The following FOXN1 variants were observed in gnomAD, a reference collection of about 807,000 sequenced individuals.
FOXN1 encodes forkhead box protein N1.
FOXN1 carries 15 observed loss-of-function variants against 49.0 expected under a neutral mutation model. That is an observed-to-expected ratio of 0.31 (90% CI 0.20 to 0.47). The LOEUF (loss-of-function observed/expected upper bound fraction) is 0.47, where lower values mean the gene tolerates loss of function less well. Among genes scored for constraint, FOXN1 ranks in the 20% least tolerant of loss-of-function variants. The probability of loss-of-function intolerance (pLI) is 1.00; values close to 1 mark genes in which losing one functional copy is unlikely to be tolerated. For synonymous variants in FOXN1, 356 were observed against 369.0 expected, an observed-to-expected ratio of 0.96 and a Z score of 0.40; for missense variants, 800 against 842.8, an observed-to-expected ratio of 0.95 and a Z score of 0.63.
intron 6 of FOXN1, among the ~76,000 whole-genome samples, chr17:28,533,813 G>A (rs560068025): frequency 5.3e-5 from 8 of 152,230 alleles, no homozygotes; most frequent in African/African-American, 1.4e-4. Context: ...CACCAACCTC[G>A]CCCATCTTTC....
intron 1 of FOXN1, among the ~76,000 whole-genome samples, chr17:28,510,260 GCACAGAGACACACATACA>G (rs1249799451): frequency 6.6e-6 from 1 of 152,008 alleles, no homozygotes; most frequent in Non-Finnish European, 1.5e-5. Context: ...ACAAACTACA[GCACAGAGACACACATACA>G]CACAGAGACA....
rs117145421 is a variant in FOXN1 at position 28,528,450 on chromosome 17, C to A, written c.700-644C>A. 4.8e-3 allele frequency among the ~76,000 whole-genome samples: 545 copies of A among 114,636 alleles called. 1 individual carries two copies. Among genetic ancestry groups the A allele is most frequent in the Non-Finnish European group, 7.7e-3 (433 of 56,322 alleles). 75.2% of individuals were successfully genotyped at this position (114,636 alleles called of 152,430 possible). A position where few individuals can be genotyped will look rare whatever the true frequency, so the allele number is the denominator to read the frequency against. On this transcript the variant is annotated intron_variant, in intron 4 of 8. Transcript: ENST00000579795. ...TGCACCCCCTCTCAAGATGGCCACA[C>A]CCAGGGCTTTATGGAGCCTGGACCG...
At chr17:28,528,937 C>A (rs2069839009) in intron 4 of FOXN1, among the ~76,000 whole-genome samples, 157 bp from the exon 5 acceptor site, 1 of 151,912 alleles carries the variant, frequency 6.6e-6, no homozygotes, top group African/African-American at 2.4e-5. Flanking sequence ...CCTCACAGCC[C>A]CTCAGACAGC....
intron 1 of FOXN1, among the ~76,000 whole-genome samples, chr17:28,516,123 G>A (rs2069491644): frequency 6.7e-6 from 1 of 149,134 alleles, no homozygotes; most frequent in Middle Eastern, 4.0e-3. Flanking sequence ...CACCTCCACA[G>A]GATCCTTACA....
At position 28,524,009 on chromosome 17, in the gene FOXN1, C is replaced by T. The variant is rs1191131110; in HGVS notation, c.40C>T (p.Pro14Ser). 1.2e-5 allele frequency: 20 copies of T among 1,612,830 alleles called. No individual in the cohort carries two copies. Among genetic ancestry groups the T allele is most frequent in the Non-Finnish European group, 1.7e-5 (20 of 1,179,934 alleles). The change falls in exon 2 of 9, where the codon CCG (proline) becomes TCG (serine). Residue 14 changes from proline to serine, a missense_variant. By Grantham distance (74) the Pro-to-Ser change is moderately conservative. This residue lies in a region of FOXN1 where 383 missense variants were observed against 357.9 expected (regional missense o/e 1.07). Coordinates refer to ENST00000579795, the MANE Select transcript of FOXN1 (RefSeq NM_001369369.1). ...CCCGCCGCAGTCTGACGTCACGCTG[C>T]CGGGCCCCACCAGACTGGAGGGCGA... ...LPPPQSDVTL[P>S]GPTRLEGERQ...
intron 6 of FOXN1, among the ~76,000 whole-genome samples, chr17:28,531,753 G>A (rs893862553): frequency 5.9e-5 from 9 of 152,136 alleles, no homozygotes; most frequent in Non-Finnish European, 1.2e-4. Context: ...GCTGAGACCC[G>A]GGTAATCCAG....
Position 28,534,798 on chromosome 17 carries a change from C to T in FOXN1, c.1227C>T (p.Pro409=), listed in dbSNP as rs1280069465. Residue 409 remains proline, a synonymous_variant, in exon 8 of 9, where the codon CCC becomes CCT. Transcript: ENST00000579795. The surrounding 1 kb of genome is among the most constrained non-coding windows in gnomAD (Gnocchi z 4.1). Reference sequence around the variant, plus strand: ...CCCCTGGGCTGTCCGGCTCAGGCCCCATCCGGCCCCTGGCACCCCCAGCTG... The same window carrying T: ...CCCCTGGGCTGTCCGGCTCAGGCCCTATCCGGCCCCTGGCACCCCCAGCTG... The part of the protein sequence containing the change: ...CPPPGLSGSG[P]IRPLAPPAGL... 6.2e-7 allele frequency: 1 copy of T among 1,613,844 alleles called. No homozygotes were observed. The highest frequency in any genetic ancestry group is 8.5e-7 in the Non-Finnish European group (1 of 1,179,828).
At position 28,537,463 on chromosome 17, in the gene FOXN1, C is replaced by A; in HGVS notation, c.*27C>A. The A allele has an allele frequency of 1.3e-6, 2 of 1,580,300 alleles. No individual in the cohort carries two copies. The highest frequency in any genetic ancestry group is 1.7e-6 in the Non-Finnish European group (2 of 1,150,194). ...CTGTGCCCAGCTTCGTCAGCTCCAG[C>A]GTTTGCCTGGTCTGGAAGTCCTGGC... is the stretch of plus-strand genomic sequence containing the variant. On this transcript the variant is annotated 3_prime_UTR_variant, in exon 9 of 9. Transcript: ENST00000579795.
chr17:28,506,936 G>A (rs1180835814), intron 1 of FOXN1, among the ~76,000 whole-genome samples: 1 of 152,244 alleles, frequency 6.6e-6, no homozygotes, highest in Non-Finnish European at 1.5e-5. Context: ...CACGCAGCCT[G>A]GGCTGGGGTC....
intron 1 of FOXN1, among the ~76,000 whole-genome samples, chr17:28,506,955 T>C (rs1273297998): frequency 5.3e-5 from 8 of 152,202 alleles, no homozygotes; most frequent in African/African-American, 1.9e-4. Flanking sequence ...TCTAGATGCC[T>C]GGGCCCATGC....
At chr17:28,528,482 C>T (rs1180825200) in intron 4 of FOXN1, among the ~76,000 whole-genome samples, 2 of 151,592 alleles carry the variant, frequency 1.3e-5, no homozygotes, top group Non-Finnish European at 2.9e-5. Flanking sequence ...ACCGAGGTGA[C>T]TCAGGCACTA....
intron 1 of FOXN1, among the ~76,000 whole-genome samples, chr17:28,511,222 G>A (rs1171858632): frequency 2.6e-5 from 4 of 152,206 alleles, no homozygotes; most frequent in African/African-American, 9.7e-5. Flanking sequence ...GATGGCATTG[G>A]GAGAGGAGGT....
At position 28,521,105 on chromosome 17, in the gene FOXN1, T is replaced by C. The variant is rs542168157; in HGVS notation, c.-14-2851T>C. ...CACCTCGTGCACACCATCCTCACGA[T>C]GACCCTGCGAGGTGGGTCTGTGTGC... On this transcript the variant is annotated intron_variant, in intron 1 of 8. Coordinates refer to ENST00000579795, the MANE Select transcript of FOXN1 (RefSeq NM_001369369.1). 3.3e-5 allele frequency among the ~76,000 whole-genome samples: 5 copies of C among 152,348 alleles called. No individual in the cohort carries two copies. In the East Asian group the frequency reaches 9.6e-4, roughly 29 times the overall value.
chr17:28,524,172 GC>G, intron 2 of FOXN1, 80 bp downstream of exon 2: 2 of 1,442,384 alleles, frequency 1.4e-6, no homozygotes, highest in Non-Finnish European at 1.9e-6. Context: ...TCACCTTACC[GC>G]CCCCAGGGAC....
chr17:28,523,938 C>A lies in FOXN1; in HGVS notation c.-14-18C>A. 6.2e-7 allele frequency: 1 copy of A among 1,613,140 alleles called. No individual in the cohort carries two copies. The highest frequency in any genetic ancestry group is 1.1e-5 in the South Asian group (1 of 91,070). ...TGGATGCTGGTCCTCACTCTCATGG[C>A]AGACGGCTTTCTTTGAGGCCAGGAC... On this transcript the variant is annotated intron_variant, in intron 1 of 8. Transcript: ENST00000579795.
At position 28,523,983 on chromosome 17, in the gene FOXN1, C is replaced by A; in HGVS notation, c.14C>A (p.Pro5His). The change falls in exon 2 of 9, where the codon CCC becomes CAC. Residue 5 changes from proline to histidine, a missense_variant. Around this residue, in one of 3 missense-constraint regions of FOXN1, gnomAD observed 383 missense variants for 357.9 expected, o/e 1.07. Coordinates refer to ENST00000579795, the MANE Select transcript of FOXN1 (RefSeq NM_001369369.1). ...CAGGACTGGGTGATGGTGTCGCTAC[C>A]CCCGCCGCAGTCTGACGTCACGCTG... Reference protein sequence around the residue: MVSLPPPQSDVTLPG... With the variant: MVSLHPPQSDVTLPG... 6.2e-7 allele frequency: 1 copy of A among 1,613,224 alleles called. No individual in the cohort carries two copies. The highest frequency in any genetic ancestry group is 8.5e-7 in the Non-Finnish European group (1 of 1,179,940).
chr17:28,515,422 G>A (rs913344687), intron 1 of FOXN1, among the ~76,000 whole-genome samples: 2 of 151,320 alleles, frequency 1.3e-5, no homozygotes, highest in Non-Finnish European at 2.9e-5. Context: ...ATTTCCAAAG[G>A]TGTATACACT....
chr17:28,536,077 A>G (rs2070057889), intron 8 of FOXN1, among the ~76,000 whole-genome samples: 2 of 151,988 alleles, frequency 1.3e-5, no homozygotes, highest in South Asian at 4.1e-4. Flanking sequence ...TACTGGCCAC[A>G]GGAGGTTTGG....
chr17:28,509,747 G>C (rs1328186175), intron 1 of FOXN1, among the ~76,000 whole-genome samples: 2 of 152,258 alleles, frequency 1.3e-5, no homozygotes, highest in Non-Finnish European at 2.9e-5. Context: ...GCAGTGAAGC[G>C]GGGATGGAGA....
Sources: gnomAD v4.1 joint callset for allele counts (sites outside exome capture counted in the v4.1 genomes callset) on GRCh38, gnomAD v4.1.1 for gene constraint, gnomAD v4.1.1 regional missense constraint, Gnocchi (gnomAD v3.1) non-coding constraint, MANE v1.5 for transcripts, NCBI Gene and HGNC (gene_info 2026-07-23, HGNC 2026-07-21) for gene names.